SLC12A7: variants seen among roughly 807,000 people sequenced by gnomAD.
The protein encoded by SLC12A7 is K-Cl cotransporter 4.
SLC12A7 carries 100 observed loss-of-function variants against 120.6 expected under a neutral mutation model. The observed-to-expected ratio is 0.83, with a 90% CI of 0.71 to 0.98. SLC12A7 has a LOEUF of 0.98. Ranked by LOEUF, SLC12A7 falls within the 50% of genes least tolerant of loss-of-function variation. The pLI, the probability that SLC12A7 is intolerant of heterozygous loss-of-function variation, is 0.00. For synonymous variants in SLC12A7, 760 were observed against 678.0 expected (o/e 1.12, Z -1.88); for missense variants, 1,373 against 1,548.1 (o/e 0.89, Z 1.90).
At chr5:1,111,807 C>T (rs1325647739) in intron 1 of SLC12A7, 61 bp downstream of exon 1, 2 of 1,189,304 alleles carry the variant, frequency 1.7e-6, no homozygotes, top group Non-Finnish European at 2.1e-6. Flanking sequence ...TCCCGGATGC[C>T]GGGCCCAGAC....
Position 1,050,481 on chromosome 5 carries a change from T to A in SLC12A7, c.*1879A>T, listed in dbSNP as rs2150766331. ...ATTGTAAATGGCTGTAGTTACTGGT[T>A]ACACGGAGTTGACAACACAAAGGAT... On this transcript the variant is annotated 3_prime_UTR_variant, in exon 24 of 24. Coordinates refer to ENST00000264930, the MANE Select transcript of SLC12A7 (RefSeq NM_006598.3). 1 of 198,906 alleles carries A rather than the reference T, an allele frequency of 5.0e-6. No homozygotes were observed. The highest frequency in any genetic ancestry group is 1.7e-3 in the Middle Eastern group (1 of 574). 12.3% of individuals were successfully genotyped at this position (198,906 alleles called of 1,614,324 possible).
chr5:1,075,537 C>T lies in SLC12A7; in HGVS notation c.1848-47G>A, dbSNP rs367984216. The T allele has an allele frequency of 4.4e-6, 7 of 1,579,670 alleles. No individual in the cohort carries two copies. In the African/African-American group the frequency reaches 6.7e-5, roughly 15 times the overall value. On this transcript the variant is annotated intron_variant, in intron 14 of 23. Transcript: ENST00000264930. ...CGGGGCGGCCCAACGCCATGCAGCC[C>T]CCACACCTCAGCCACCACCACACGG...
chr5:1,131,708 C>T, the SLC12A7 span, among the ~76,000 whole-genome samples: 1 of 152,226 alleles, frequency 6.6e-6, no homozygotes, highest in East Asian at 1.9e-4. Context: ...ATCCCCAGAG[C>T]CTTGCCTAGC....
the SLC12A7 span, among the ~76,000 whole-genome samples, chr5:1,125,175 A>C: frequency 1.3e-5 from 2 of 152,274 alleles, no homozygotes; most frequent in African/African-American, 4.8e-5. Flanking sequence ...AAGATAATGG[A>C]AAATCCCCCG....
intron 1 of SLC12A7, among the ~76,000 whole-genome samples, chr5:1,095,442 G>A (rs918746781): frequency 2.0e-5 from 3 of 152,176 alleles, no homozygotes; most frequent in African/African-American, 7.2e-5. Context: ...AGCCACCCAC[G>A]CACCCCAGGG....
chr5:1,136,219 G>A, the SLC12A7 span, among the ~76,000 whole-genome samples: 7 of 152,116 alleles, frequency 4.6e-5, no homozygotes, highest in African/African-American at 7.2e-5. Context: ...GTGCAATAGA[G>A]GGAAACACTC....
intron 8 of SLC12A7, among the ~76,000 whole-genome samples, chr5:1,082,558 C>T (rs1177474692): frequency 1.1e-4 from 14 of 128,828 alleles, no homozygotes; most frequent in Non-Finnish European, 1.9e-4. Flanking sequence ...CTTCCTGTCT[C>T]GGGTTCTGGA....
the SLC12A7 span, among the ~76,000 whole-genome samples, chr5:1,151,674 C>A: frequency 6.6e-6 from 1 of 151,992 alleles, no homozygotes; most frequent in Non-Finnish European, 1.5e-5. This position sits in a 1 kb window ranked among gnomAD's most constrained non-coding sequence, Gnocchi z 6.2. Context: ...GCCTGCCCAT[C>A]CTCTAGAGCA....
In SLC12A7 at chr5:1,086,900, T is replaced by C. The variant is rs531314959; in HGVS notation, c.675+3A>G. On this transcript the variant is annotated splice_donor_region_variant and intron_variant, in intron 6 of 23. Coordinates refer to ENST00000264930, the MANE Select transcript of SLC12A7 (RefSeq NM_006598.3). ...GGGAACCCTTCCAAAGCAGCACACT[T>C]ACCAGAAAAATCTCGATGGTCCCCA... The C allele has an allele frequency of 6.2e-7, 1 of 1,612,446 alleles. No homozygotes were observed. The highest frequency in any genetic ancestry group is 1.3e-5 in the African/African-American group (1 of 75,018).
intron 22 of SLC12A7, chr5:1,056,741 CT>C: frequency 4.9e-6 from 1 of 202,836 alleles, no homozygotes; most frequent in Non-Finnish European, 8.8e-6. Flanking sequence ...GAGAACCTGG[CT>C]TTAGGGTCTG....
At chr5:1,144,304 G>T in the SLC12A7 span, among the ~76,000 whole-genome samples, 1 of 152,254 alleles carries the variant, frequency 6.6e-6, no homozygotes, top group African/African-American at 2.4e-5. Flanking sequence ...CACGTCCCGG[G>T]CTCCACGCCA....
At chr5:1,091,776 G>GGTGCTGA (rs1314541743) in intron 3 of SLC12A7, among the ~76,000 whole-genome samples, 1 of 151,804 alleles carries the variant, frequency 6.6e-6, no homozygotes, top group Non-Finnish European at 1.5e-5. Flanking sequence ...CGTGCAGAAA[G>GGTGCTGA]GTGCTGAGTG....
At chr5:1,052,507 A>C in intron 23 of SLC12A7, 56 bp from the exon 24 acceptor site, 1 of 1,429,368 alleles carries the variant, frequency 7.0e-7, no homozygotes, top group South Asian at 1.2e-5. Context: ...GTGTAGCTGA[A>C]ATCGTGATAG....
intron 1 of SLC12A7, among the ~76,000 whole-genome samples, chr5:1,108,147 C>T (rs946394158): frequency 2.0e-5 from 3 of 152,258 alleles, no homozygotes; most frequent in African/African-American, 4.8e-5. Flanking sequence ...ATGGCTCACA[C>T]GTGGATACAC....
At chr5:1,090,758 C>T (rs1206952689) in intron 3 of SLC12A7, among the ~76,000 whole-genome samples, 1 of 152,216 alleles carries the variant, frequency 6.6e-6, no homozygotes, top group East Asian at 1.9e-4. Context: ...AGCTGGTTCT[C>T]GGCCAAAGGC....
chr5:1,064,612 G>A (rs1736717801), intron 18 of SLC12A7, among the ~76,000 whole-genome samples: 1 of 152,246 alleles, frequency 6.6e-6, no homozygotes, highest in Non-Finnish European at 1.5e-5. Flanking sequence ...CACAGGCCTG[G>A]GGACGTTGAG....
chr5:1,155,211 C>G, the SLC12A7 span, among the ~76,000 whole-genome samples: 1 of 152,116 alleles, frequency 6.6e-6, no homozygotes. Flanking sequence ...CCAGATCTGC[C>G]GGGCCAGACC....
At chr5:1,108,722 C>G (rs1029531363) in intron 1 of SLC12A7, among the ~76,000 whole-genome samples, 1 of 152,242 alleles carries the variant, frequency 6.6e-6, no homozygotes, top group African/African-American at 2.4e-5. Context: ...TTCCCAAGGG[C>G]AGTGCAGAGC....
At chr5:1,138,239 G>A in the SLC12A7 span, among the ~76,000 whole-genome samples, 7 of 152,124 alleles carry the variant, frequency 4.6e-5, no homozygotes, top group Non-Finnish European at 1.0e-4. Flanking sequence ...TGAACCCCAG[G>A]GCACCACCCA....
Sources: gnomAD v4.1 joint callset for allele counts (sites outside exome capture counted in the v4.1 genomes callset) on GRCh38, gnomAD v4.1.1 for gene constraint, Gnocchi (gnomAD v3.1) non-coding constraint, MANE v1.5 for transcripts, NCBI Gene and HGNC (gene_info 2026-07-23, HGNC 2026-07-21) for gene names.